NRROS: variants seen among roughly 807,000 people sequenced by gnomAD.
The protein encoded by NRROS is transforming growth factor beta activator LRRC33.
A neutral mutation model predicts 12.0 loss-of-function variants in NRROS; 6 were observed. That is an observed-to-expected ratio of 0.50 (90% CI 0.27 to 0.98). NRROS has a LOEUF of 0.98. Among genes scored for constraint, NRROS ranks in the 50% least tolerant of loss-of-function variants. The pLI, the probability that NRROS is intolerant of heterozygous loss-of-function variation, is 0.11. For synonymous variants in NRROS, 462 were observed against 410.2 expected (o/e 1.13, Z -1.53); for missense variants, 857 against 888.2 (o/e 0.96, Z 0.45).
intron 1 of NRROS, among the ~76,000 whole-genome samples, chr3:196,646,891 CTT>C (rs919416137): frequency 3.5e-4 from 53 of 152,336 alleles, no homozygotes; most frequent in Non-Finnish European, 6.5e-4. Context: ...GCGTGCCTCT[CTT>C]TTCACCTCTC....
At position 196,659,747 on chromosome 3, in the gene NRROS, C is replaced by A. The variant is rs750091215; in HGVS notation, c.109-5C>A. The A allele has an allele frequency of 6.9e-6, 11 of 1,602,528 alleles. No individual in the cohort carries two copies. The Admixed American group carries it at 1.5e-4, about 22-fold the overall frequency. ...CGCTGCTGACCGGTGTGGTTTTGGCCGCAGGTGGGTGGAGCCGCTGACTGC... is the reference window on the plus strand; with the variant it reads ...CGCTGCTGACCGGTGTGGTTTTGGCAGCAGGTGGGTGGAGCCGCTGACTGC... On this transcript the variant is annotated splice_region_variant and splice_polypyrimidine_tract_variant and intron_variant, in intron 2 of 2. Coordinates refer to ENST00000328557, the MANE Select transcript of NRROS (RefSeq NM_198565.3).
intron 1 of NRROS, among the ~76,000 whole-genome samples, chr3:196,642,285 C>CA (rs71621281): frequency 0.11 from 10,036 of 91,532 alleles, 437 homozygotes; most frequent in Non-Finnish European, 0.14. Flanking sequence ...TATGCTTCGG[C>CA]AAAAAAGAAA....
rs1323871605 is a variant in NRROS at position 196,654,026 on chromosome 3, C to T, written c.-13-501C>T. Reference sequence around the variant, plus strand: ...AAAGAGATCAACGCTTTTGTAACAGCCCCACATCAGCAGCTGAGGAGTAAC... The same window carrying T: ...AAAGAGATCAACGCTTTTGTAACAGTCCCACATCAGCAGCTGAGGAGTAAC... On this transcript the variant is annotated intron_variant, in intron 1 of 2. Coordinates refer to ENST00000328557, the MANE Select transcript of NRROS (RefSeq NM_198565.3). The surrounding 1 kb of genome is among the most constrained non-coding windows in gnomAD (Gnocchi z 4.4). Among the ~76,000 whole-genome samples, 1 of 152,182 alleles carries T rather than the reference C, an allele frequency of 6.6e-6. No homozygotes were observed. The highest frequency in any genetic ancestry group is 1.5e-5 in the Non-Finnish European group (1 of 68,042).
intron 2 of NRROS, among the ~76,000 whole-genome samples, chr3:196,656,481 A>G (rs73221641): frequency 0.16 from 23,968 of 152,200 alleles, 2,114 homozygotes; most frequent in Admixed American, 0.28. Flanking sequence ...ACGTAATAAT[A>G]ATATCTACCA....
At position 196,657,182 on chromosome 3, in the gene NRROS, C is replaced by T. The variant is rs1034944452; in HGVS notation, c.108+2535C>T. On this transcript the variant is annotated intron_variant, in intron 2 of 2. Transcript: ENST00000328557. ...TCGCGCCACTGCACTCCAGCCTGGG[C>T]GACAGAGCAAGACTCCGTATCAAAA... Among the ~76,000 whole-genome samples the T allele has an allele frequency of 1.1e-4, 17 of 148,182 alleles. 1 individual carries two copies. The highest frequency in any genetic ancestry group is 7.9e-4 in the East Asian group (4 of 5,084).
chr3:196,660,005 A>C lies in NRROS; in HGVS notation c.362A>C (p.Tyr121Ser), dbSNP rs1287408109. Residue 121 changes from tyrosine (Y) to serine (S), a missense_variant, in exon 3 of 3, where the codon TAC (tyrosine) becomes TCC (serine). Physicochemically the swap from Tyr to Ser is moderately radical, Grantham distance 144. Transcript: ENST00000328557. This position sits in a 1 kb window ranked among gnomAD's most constrained non-coding sequence, Gnocchi z 7.7. Reference protein sequence around the residue: ...VLGDNCLSENYEETAAALHAL... With the variant: ...VLGDNCLSENSEETAAALHAL... The stretch of plus-strand genomic sequence containing the variant: ...GGGGACAACTGCCTCTCAGAGAACT[A>C]CGAAGAGACGGCAGCCGCCCTCCAC... 4 of 1,613,542 alleles carry C rather than the reference A, an allele frequency of 2.5e-6. No homozygotes were observed. Among genetic ancestry groups the C allele is most frequent in the Non-Finnish European group, 3.4e-6 (4 of 1,179,922 alleles).
At chr3:196,651,058 A>G (rs1034255108) in intron 1 of NRROS, among the ~76,000 whole-genome samples, 19 of 152,160 alleles carry the variant, frequency 1.2e-4, no homozygotes, top group Non-Finnish European at 5.9e-5. Context: ...GAGGAGAGGA[A>G]GCAGTCCTGT....
chr3:196,652,099 C>T (rs1163987075), intron 1 of NRROS, among the ~76,000 whole-genome samples: 1 of 152,192 alleles, frequency 6.6e-6, no homozygotes, highest in Non-Finnish European at 1.5e-5. Context: ...TGTCAGCCAG[C>T]ATAGTCATCT....
intron 1 of NRROS, among the ~76,000 whole-genome samples, chr3:196,652,302 C>T (rs1356302871): frequency 6.6e-6 from 1 of 152,170 alleles, no homozygotes; most frequent in African/African-American, 2.4e-5. Context: ...TCAGTCAACT[C>T]ACTGGTGTTT....
chr3:196,660,241 G>A lies in NRROS; in HGVS notation c.598G>A (p.Ala200Thr), dbSNP rs1325959958. 3.1e-6 allele frequency: 5 copies of A among 1,613,578 alleles called. No individual in the cohort carries two copies. The South Asian group carries it at 3.3e-5, about 11-fold the overall frequency. The change falls in exon 3 of 3, where the codon GCT becomes ACT. Residue 200 changes from alanine (A) to threonine (T), a missense_variant. Physicochemically the swap from Ala to Thr is moderately conservative, Grantham distance 58 (BLOSUM62 0). Coordinates refer to ENST00000328557, the MANE Select transcript of NRROS (RefSeq NM_198565.3). This position sits in a 1 kb window ranked among gnomAD's most constrained non-coding sequence, Gnocchi z 7.7. ...RNYIFEIEGG[A>T]FDGLAELRHL... is the part of the protein sequence containing the mutation. The stretch of plus-strand genomic sequence containing the variant: ...CTACATCTTCGAGATCGAGGGCGGC[G>A]CTTTCGACGGCCTGGCTGAGCTGAG...
At position 196,654,990 on chromosome 3, in the gene NRROS, A is replaced by C. The variant is rs1020765100; in HGVS notation, c.108+343A>C. The C allele has an allele frequency of 4.6e-6, 1 of 217,522 alleles. No homozygotes were observed. Among genetic ancestry groups the C allele is most frequent in the Non-Finnish European group, 9.2e-6 (1 of 108,756 alleles). 13.5% of individuals were successfully genotyped at this position (217,522 alleles called of 1,614,324 possible). On this transcript the variant is annotated intron_variant, in intron 2 of 2. Coordinates refer to ENST00000328557, the MANE Select transcript of NRROS (RefSeq NM_198565.3). This position sits in a 1 kb window ranked among gnomAD's most constrained non-coding sequence, Gnocchi z 4.4. ...AGTGGCTCAGGCCTGTAATCCCAGC[A>C]CTTTAGGAGGCCGAGGCAGGCAGAT...
At chr3:196,659,279 G>A (rs1162133997) in intron 2 of NRROS, among the ~76,000 whole-genome samples, 2 of 150,170 alleles carry the variant, frequency 1.3e-5, no homozygotes, top group African/African-American at 4.9e-5. Context: ...ATTCAGGATG[G>A]TGAAAGCTCT....
intron 2 of NRROS, 35 bp from the exon 3 acceptor site, chr3:196,659,717 C>G (rs368419428): frequency 2.3e-4 from 362 of 1,574,166 alleles, no homozygotes; most frequent in Non-Finnish European, 3.0e-4. Flanking sequence ...GCCTCTGGGC[C>G]TCCTCGCTGC....
chr3:196,658,762 T>A (rs1224137243), intron 2 of NRROS, among the ~76,000 whole-genome samples: 2 of 152,002 alleles, frequency 1.3e-5, no homozygotes, highest in Admixed American at 6.6e-5. Context: ...AAGTCAGGAG[T>A]TCGAGACCAG....
At chr3:196,652,369 G>A (rs1012723975) in intron 1 of NRROS, among the ~76,000 whole-genome samples, 5 of 152,168 alleles carry the variant, frequency 3.3e-5, no homozygotes, top group Non-Finnish European at 7.3e-5. Context: ...CAGCCATGAA[G>A]CCCTTTCACA....
In NRROS at chr3:196,660,233, A is replaced by T; in HGVS notation, c.590A>T (p.Glu197Val). The T allele has an allele frequency of 6.2e-7, 1 of 1,613,702 alleles. No individual in the cohort carries two copies. Among genetic ancestry groups the T allele is most frequent in the Non-Finnish European group, 8.5e-7 (1 of 1,180,030 alleles). The change falls in exon 3 of 3, where the codon GAG becomes GTG. Residue 197 changes from glutamate (E) to valine (V), a missense_variant. Transcript: ENST00000328557. The surrounding 1 kb of genome is among the most constrained non-coding windows in gnomAD (Gnocchi z 7.7). The part of the protein sequence containing the change: ...DLQRNYIFEI[E>V]GGAFDGLAEL... Reference sequence around the variant, plus strand: ...CAGAGGAACTACATCTTCGAGATCGAGGGCGGCGCTTTCGACGGCCTGGCT... The same window carrying T: ...CAGAGGAACTACATCTTCGAGATCGTGGGCGGCGCTTTCGACGGCCTGGCT...
At chr3:196,644,510 G>C (rs560298003) in intron 1 of NRROS, among the ~76,000 whole-genome samples, 92 of 152,212 alleles carry the variant, frequency 6.0e-4, no homozygotes, top group Admixed American at 1.2e-3. Flanking sequence ...GGGTGCAGTG[G>C]CTCACACCTG....
intron 1 of NRROS, among the ~76,000 whole-genome samples, chr3:196,645,551 G>A (rs7635042): frequency 0.074 from 11,285 of 152,220 alleles, 484 homozygotes; most frequent in Non-Finnish European, 0.094. Context: ...CACTCAGTAA[G>A]CATGAGCTGT....
In NRROS at chr3:196,661,386, G is replaced by A. The variant is rs1737675898; in HGVS notation, c.1743G>A (p.Gln581=). Residue 581 remains glutamine (Q), a synonymous_variant, in exon 3 of 3, where the codon CAG becomes CAA. Transcript: ENST00000328557. Reference sequence around the variant, plus strand: ...TTCCCCAGAAGGCTGTGTCTGAGCAGCTCTCGAGAGGTCTGCGGACCATCT... The same window carrying A: ...TTCCCCAGAAGGCTGTGTCTGAGCAACTCTCGAGAGGTCTGCGGACCATCT... ...TALPQKAVSE[Q]LSRGLRTIYL... 1.3e-6 allele frequency: 2 copies of A among 1,571,116 alleles called. No homozygotes were observed. Among genetic ancestry groups the A allele is most frequent in the Non-Finnish European group, 1.7e-6 (2 of 1,156,370 alleles).
Sources: gnomAD v4.1 joint callset for allele counts (sites outside exome capture counted in the v4.1 genomes callset) on GRCh38, gnomAD v4.1.1 for gene constraint, Gnocchi (gnomAD v3.1) non-coding constraint, MANE v1.5 for transcripts, NCBI Gene and HGNC (gene_info 2026-07-23, HGNC 2026-07-21) for gene names.